Variants in ADAM17 observed in about 807,000 individuals in gnomAD.
ADAM17 encodes the protein ADAM metallopeptidase domain 17.
A neutral mutation model predicts 96.7 loss-of-function variants in ADAM17; 39 were observed. The ratio of observed to expected loss-of-function variants is 0.40; its 90% CI spans 0.31 to 0.53. The LOEUF is 0.53. Ranked by LOEUF, ADAM17 falls within the 20% of genes least tolerant of loss-of-function variation. The pLI, the probability that ADAM17 is intolerant of heterozygous loss-of-function variation, is 0.44. For missense variants in ADAM17, 777 were observed against 1,013.2 expected (o/e 0.77, Z 3.17); for synonymous variants, 344 against 359.2 (o/e 0.96, Z 0.48).
At chr2:9,545,030 C>G (rs1380893554) in intron 1 of ADAM17, among the ~76,000 whole-genome samples, 1 of 152,136 alleles carries the variant, frequency 6.6e-6, no homozygotes, top group Non-Finnish European at 1.5e-5. Flanking sequence ...CATTCAAGAT[C>G]ATAATCACTC....
At position 9,490,067 on chromosome 2, in the gene ADAM17, C is replaced by T; in HGVS notation, c.*110G>A. ...GCAGGAAGTTCAAACACATGACCAG[C>T]ATCTGCTAAGTCACTTCCCAGTCTT... On this transcript the variant is annotated 3_prime_UTR_variant, in exon 19 of 19. Coordinates refer to ENST00000310823, the MANE Select transcript of ADAM17 (RefSeq NM_003183.6). 9.8e-7 allele frequency: 1 copy of T among 1,022,640 alleles called. No homozygotes were observed. The highest frequency in any genetic ancestry group is 1.4e-6 in the Non-Finnish European group (1 of 716,822). 63.3% of individuals were successfully genotyped at this position (1,022,640 alleles called of 1,614,324 possible).
chr2:9,548,870 T>C (rs1316671950), intron 1 of ADAM17, among the ~76,000 whole-genome samples: 1 of 152,176 alleles, frequency 6.6e-6, no homozygotes, highest in Non-Finnish European at 1.5e-5. Flanking sequence ...TGTAACAAAA[T>C]GGCCTTCTGG....
At chr2:9,513,763 C>T (rs1023193040) in intron 10 of ADAM17, among the ~76,000 whole-genome samples, 8 of 151,988 alleles carry the variant, frequency 5.3e-5, no homozygotes, top group Non-Finnish European at 1.0e-4. Context: ...CGGTGGCTCA[C>T]GCCTGTAATC....
intron 17 of ADAM17, among the ~76,000 whole-genome samples, chr2:9,492,689 C>A (rs1422735448): frequency 6.6e-6 from 1 of 152,120 alleles, no homozygotes; most frequent in Non-Finnish European, 1.5e-5. Flanking sequence ...TATTAAAACA[C>A]CAACACACAA....
chr2:9,549,790 A>G (rs1406256269), intron 1 of ADAM17, among the ~76,000 whole-genome samples: 3 of 152,120 alleles, frequency 2.0e-5, no homozygotes, highest in Non-Finnish European at 4.4e-5. Flanking sequence ...AAATGCTGAG[A>G]TGACAGTCGT....
Position 9,502,423 on chromosome 2 carries a change from C to T in ADAM17, c.1545-147G>A, listed in dbSNP as rs114594819. ...CCACTCCTACATCATCAGACATCTC[C>T]GCTGCTAGAGCTACCTGCACACACT... On this transcript the variant is annotated intron_variant, in intron 12 of 18. Transcript: ENST00000310823. The T allele has an allele frequency of 1.7e-3, 1,136 of 662,852 alleles. 11 individuals are homozygous for T. The African/African-American group carries it at 0.017, about 10-fold the overall frequency. The allele number at this position is 662,852 out of a possible 1,614,324, so 41.1% of individuals were successfully genotyped here.
Position 9,555,630 on chromosome 2 carries a change from A to G in ADAM17, c.-25T>C. On this transcript the variant is annotated 5_prime_UTR_variant, in exon 1 of 19. Coordinates refer to ENST00000310823, the MANE Select transcript of ADAM17 (RefSeq NM_003183.6). The stretch of plus-strand genomic sequence containing the variant: ...TGTTCCCGGCCCCGCTACCGACTCC[A>G]CCTCTCTGGGCAGCCTTCGCCTGAC... 5 of 1,535,662 alleles carry G rather than the reference A, an allele frequency of 3.3e-6. No homozygotes were observed. Among genetic ancestry groups the G allele is most frequent in the Non-Finnish European group, 4.4e-6 (5 of 1,136,782 alleles).
intron 12 of ADAM17, among the ~76,000 whole-genome samples, chr2:9,504,317 T>C (rs993907946): frequency 2.6e-5 from 4 of 151,652 alleles, no homozygotes; most frequent in South Asian, 2.1e-4. Context: ...TGATGGTGCG[T>C]ACCTGTAGTC....
chr2:9,510,135 A>G lies in ADAM17; in HGVS notation c.1192-4T>C, dbSNP rs376441099. 19 of 1,614,024 alleles carry G rather than the reference A, an allele frequency of 1.2e-5. No individual in the cohort carries two copies. In the African/African-American group the frequency reaches 2.4e-4, roughly 20 times the overall value. Reference sequence around the variant, plus strand: ...GAGTTGTAACCAGGTCAGCTTCCTTAAGGATCATGCAAAGAAAACATTATT... The same window carrying G: ...GAGTTGTAACCAGGTCAGCTTCCTTGAGGATCATGCAAAGAAAACATTATT... On this transcript the variant is annotated splice_region_variant and splice_polypyrimidine_tract_variant and intron_variant, in intron 10 of 18. Coordinates refer to ENST00000310823, the MANE Select transcript of ADAM17 (RefSeq NM_003183.6).
rs535941707 is a variant in ADAM17, at chr2:9,548,365, A to C, written c.98-5080T>G. On this transcript the variant is annotated intron_variant, in intron 1 of 18. Coordinates refer to ENST00000310823, the MANE Select transcript of ADAM17 (RefSeq NM_003183.6). ...AAGAAAGAAATTTCATTATGACTGC[A>C]GTGTGGAGAATGGGCTAGAGGGGAA... Among the ~76,000 whole-genome samples, 10 of 152,178 alleles carry C rather than the reference A, an allele frequency of 6.6e-5. No individual in the cohort carries two copies. In the East Asian group the frequency reaches 1.7e-3, roughly 26 times the overall value.
chr2:9,521,518 G>A, intron 7 of ADAM17: 1 of 267,178 alleles, frequency 3.7e-6, no homozygotes. Flanking sequence ...ATATGTCAAT[G>A]AATTATTTAT....
intron 1 of ADAM17, among the ~76,000 whole-genome samples, chr2:9,548,280 C>T (rs1293687789): frequency 1.3e-5 from 2 of 151,508 alleles, no homozygotes; most frequent in African/African-American, 2.4e-5. Flanking sequence ...GGCAGTGAGC[C>T]GAGATCATGC....
intron 10 of ADAM17, among the ~76,000 whole-genome samples, chr2:9,514,648 C>T (rs1474034383): frequency 5.4e-5 from 8 of 148,350 alleles, no homozygotes; most frequent in African/African-American, 2.0e-4. Flanking sequence ...CCAAGGCGGG[C>T]AGATCACAAG....
chr2:9,525,629 A>G (rs1168948525), intron 6 of ADAM17, among the ~76,000 whole-genome samples: 1 of 152,212 alleles, frequency 6.6e-6, no homozygotes, highest in Non-Finnish European at 1.5e-5. Flanking sequence ...TGTGCCCTAG[A>G]ACTAGTTATG....
At chr2:9,518,703 TATAA>T (rs1390377223) in intron 8 of ADAM17, among the ~76,000 whole-genome samples, 2 of 152,192 alleles carry the variant, frequency 1.3e-5, no homozygotes, top group Non-Finnish European at 2.9e-5. Context: ...TTGTCATTTA[TATAA>T]ATATACACTT....
rs369229801 is a variant in ADAM17, at chr2:9,492,985, T to A, written c.1995A>T (p.Gly665=). ...CAACGATGTTGTCTGCTAAAAACTT[T>A]CCTGTGAACAATTCCAAACAGTTAA... The part of the protein sequence containing the change: ...FIDQLSINTF[G]KFLADNIVGS... Residue 665 remains glycine (G), a splice_region_variant and synonymous_variant, in exon 17 of 19, where the codon GGA becomes GGT. Coordinates refer to ENST00000310823, the MANE Select transcript of ADAM17 (RefSeq NM_003183.6). 4 of 1,608,744 alleles carry A rather than the reference T, an allele frequency of 2.5e-6. No homozygotes were observed. Among genetic ancestry groups the A allele is most frequent in the Non-Finnish European group, 3.4e-6 (4 of 1,177,326 alleles).
At chr2:9,500,939 T>C (rs1427450061) in intron 13 of ADAM17, among the ~76,000 whole-genome samples, 9 of 152,190 alleles carry the variant, frequency 5.9e-5, no homozygotes, top group Non-Finnish European at 1.3e-4. Flanking sequence ...CTGTGGAAAA[T>C]ATCTTTTTAA....
intron 10 of ADAM17, among the ~76,000 whole-genome samples, chr2:9,516,225 T>C (rs1394955644): frequency 6.6e-6 from 1 of 152,188 alleles, no homozygotes; most frequent in African/African-American, 2.4e-5. Context: ...TTAACAGTTC[T>C]TTATACATAT....
Position 9,535,899 on chromosome 2 carries a change from C to A in ADAM17, c.385G>T (p.Ala129Ser). Residue 129 changes from alanine to serine, a missense_variant, in exon 4 of 19, where the codon GCC becomes TCC. Transcript: ENST00000310823. Reference sequence around the variant, plus strand: ...ATAACATCATCATCTCTTATGTGGGCTAGAACCCTAGAGTCAGGCTCACCT... The same window carrying A: ...ATAACATCATCATCTCTTATGTGGGATAGAACCCTAGAGTCAGGCTCACCT... ...VVGEPDSRVL[A>S]HIRDDDVIIR... 1 of 1,595,480 alleles carries A rather than the reference C, an allele frequency of 6.3e-7. No individual in the cohort carries two copies. The highest frequency in any genetic ancestry group is 8.5e-7 in the Non-Finnish European group (1 of 1,171,194).
Sources: gnomAD v4.1 joint callset for allele counts (sites outside exome capture counted in the v4.1 genomes callset) on GRCh38, gnomAD v4.1.1 for gene constraint, MANE v1.5 for transcripts, NCBI Gene and HGNC (gene_info 2026-07-23, HGNC 2026-07-21) for gene names.